The following TDRD12 variants were observed in gnomAD, a reference collection of about 807,000 sequenced individuals.
The protein encoded by TDRD12 is tudor domain containing 12, also known as putative ATP-dependent RNA helicase TDRD12.
A neutral mutation model predicts 133.5 loss-of-function variants in TDRD12; 158 were observed. The ratio of observed to expected loss-of-function variants is 1.18; its 90% CI spans 1.04 to 1.35. The LOEUF is 1.35. Among genes scored for constraint, TDRD12 ranks in the 40% most tolerant of loss-of-function variants. The pLI is 0.00. For missense variants in TDRD12, 1,443 were observed against 1,321.3 expected (o/e 1.09, Z -1.43); for synonymous variants, 460 against 477.9 (o/e 0.96, Z 0.49).
intron 8 of TDRD12, among the ~76,000 whole-genome samples, chr19:32,759,450 G>A (rs918135528): frequency 3.3e-5 from 5 of 150,876 alleles, no homozygotes; most frequent in African/African-American, 1.2e-4. Flanking sequence ...TTGCTCGGTT[G>A]CCCAGGCTTG....
At chr19:32,828,938 A>G (rs1196932901) in exon 10 of TDRD12, 1 of 152,258 alleles carries the variant, frequency 6.6e-6, no homozygotes, top group East Asian at 1.9e-4. Context: ...GGTCACTGCT[A>G]TGGCCTTCGC....
chr19:32,747,888 AC>A (rs1969701036), intron 4 of TDRD12, among the ~76,000 whole-genome samples: 1 of 151,956 alleles, frequency 6.6e-6, no homozygotes, highest in African/African-American at 2.4e-5. Flanking sequence ...GGTGGGGCAC[AC>A]CTGTAGTCCT....
At chr19:32,759,106 G>A (rs1262379157) in intron 8 of TDRD12, among the ~76,000 whole-genome samples, 1 of 152,174 alleles carries the variant, frequency 6.6e-6, no homozygotes, top group Non-Finnish European at 1.5e-5. Context: ...GCCAGGCATG[G>A]TGGCGTGTGC....
chr19:32,755,396 G>A (rs953362470), intron 6 of TDRD12, among the ~76,000 whole-genome samples: 9 of 152,264 alleles, frequency 5.9e-5, no homozygotes, highest in East Asian at 3.9e-4. Flanking sequence ...GTAAACATTC[G>A]GCTAAGTGTG....
At chr19:32,762,295 A>AT (rs1172008983) in intron 8 of TDRD12, among the ~76,000 whole-genome samples, 1 of 151,794 alleles carries the variant, frequency 6.6e-6, no homozygotes, top group Non-Finnish European at 1.5e-5. Flanking sequence ...CTCCTATGTT[A>AT]TTTTCTAGGA....
chr19:32,794,873 T>C (rs1470687404), intron 14 of TDRD12, 60 bp downstream of exon 14: 2 of 673,154 alleles, frequency 3.0e-6, no homozygotes, highest in Non-Finnish European at 5.4e-6. Flanking sequence ...TTTAAAATTA[T>C]ACACCTCACC....
chr19:32,791,310 T>C (rs769661925), intron 13 of TDRD12, among the ~76,000 whole-genome samples: 1 of 152,166 alleles, frequency 6.6e-6, no homozygotes, highest in Non-Finnish European at 1.5e-5. Flanking sequence ...GCTGTGTAAC[T>C]GTGAGCCCCT....
chr19:32,742,648 A>G (rs1969465054), intron 3 of TDRD12, 133 bp from the exon 4 acceptor site: 5 of 1,022,948 alleles, frequency 4.9e-6, no homozygotes, highest in East Asian at 2.7e-5. Context: ...TGGTGGCCAT[A>G]TTAGAAACAG....
At chr19:32,821,339 C>A (rs1334723315), downstream of TDRD12, 13 of 589,070 alleles carry the variant, frequency 2.2e-5, no homozygotes, top group South Asian at 2.6e-4. Flanking sequence ...TCCAGTGATG[C>A]GCACAGATGT....
At chr19:32,822,172 A>G (rs143792987), downstream of TDRD12, among the ~76,000 whole-genome samples, 544 of 152,294 alleles carry the variant, frequency 3.6e-3, 2 homozygotes, top group African/African-American at 0.013. Flanking sequence ...GCTCATGCCT[A>G]TGATCCCAAC....
chr19:32,820,958 T>G (rs891315172), intron 27 of TDRD12, 75 bp from the exon 28 acceptor site: 1 of 1,240,358 alleles, frequency 8.1e-7, no homozygotes, highest in African/African-American at 1.5e-5. Context: ...CACGGTCATT[T>G]ATTGCCTGCC....
chr19:32,801,874 G>C lies in TDRD12; in HGVS notation c.2197+1G>C, dbSNP rs1005977978. 16 of 1,194,254 alleles carry C rather than the reference G, an allele frequency of 1.3e-5. No homozygotes were observed. The highest frequency in any genetic ancestry group is 1.8e-5 in the Non-Finnish European group (16 of 865,878). 74.0% of individuals were successfully genotyped at this position (1,194,254 alleles called of 1,614,324 possible). A position where few individuals can be genotyped will look rare whatever the true frequency, so the allele number is the denominator to read the frequency against. ...AGTTCTGGCTCTCAAATTATATTAG[G>C]TAAGTGTTTTAATTTCTACTTCTAT... On this transcript the variant is annotated splice_donor_variant, in intron 19 of 27. Coordinates refer to ENST00000444215, the Ensembl canonical transcript of TDRD12. LOFTEE classifies it high-confidence loss of function.
intron 2 of TDRD12, among the ~76,000 whole-genome samples, chr19:32,738,185 T>G (rs1969284778): frequency 6.6e-6 from 1 of 152,190 alleles, no homozygotes; most frequent in Admixed American, 6.5e-5. Flanking sequence ...ATGAGCCTGG[T>G]GGCAGCTTCC....
chr19:32,782,683 A>G (rs910469539), intron 11 of TDRD12, among the ~76,000 whole-genome samples: 3 of 152,148 alleles, frequency 2.0e-5, no homozygotes, highest in Non-Finnish European at 4.4e-5. Flanking sequence ...ATGGTATCCC[A>G]TTGTGGTTTT....
chr19:32,777,204 TATG>T, exon 11 of TDRD12: 4 of 1,542,908 alleles, frequency 2.6e-6, no homozygotes, highest in Non-Finnish European at 3.5e-6. Flanking sequence ...GAAGAAAGAA[TATG>T]ATGAGAAGAA....
chr19:32,775,864 C>T (rs993490416), intron 10 of TDRD12, among the ~76,000 whole-genome samples: 4 of 152,134 alleles, frequency 2.6e-5, no homozygotes, highest in Non-Finnish European at 5.9e-5. Flanking sequence ...TTTGGACTCA[C>T]TCTGGATATT....
chr19:32,752,643 A>T (rs1969865603), intron 6 of TDRD12, among the ~76,000 whole-genome samples: 1 of 152,070 alleles, frequency 6.6e-6, no homozygotes, highest in Non-Finnish European at 1.5e-5. Context: ...ATTACCTTGG[A>T]TTCTGGCCAT....
At chr19:32,819,332 CAAAGAT>C (rs1042685225) in intron 27 of TDRD12, among the ~76,000 whole-genome samples, 3 of 146,840 alleles carry the variant, frequency 2.0e-5, no homozygotes, top group African/African-American at 7.7e-5. Flanking sequence ...AAAAAAATGA[CAAAGAT>C]AAACATAGTA....
chr19:32,797,974 G>A (rs1971279496), intron 15 of TDRD12, 83 bp downstream of exon 15: 2 of 599,530 alleles, frequency 3.3e-6, no homozygotes, highest in East Asian at 5.5e-5. Context: ...AGCCTGGCTG[G>A]GCCTGGGTCC....
Sources: allele counts gnomAD v4.1 joint callset (sites outside exome capture counted in the v4.1 genomes callset), GRCh38; gene constraint gnomAD v4.1.1; transcripts MANE v1.5; gene names NCBI Gene and HGNC (gene_info 2026-07-23, HGNC 2026-07-21).